The following FAM228B variants were observed in gnomAD, a reference collection of about 807,000 sequenced individuals.
FAM228B encodes the protein family with sequence similarity 228 member B, also known as protein FAM228B.
In FAM228B, 38 loss-of-function variants were observed where a neutral mutation model predicts 42.6. That is an observed-to-expected ratio of 0.89 (90% confidence interval 0.69 to 1.17). FAM228B has a LOEUF of 1.17. Among genes scored for constraint, FAM228B ranks in the 50% most tolerant of loss-of-function variants. FAM228B has a pLI of 0.00. For synonymous variants in FAM228B, 109 were observed against 122.3 expected (o/e 0.89, Z 0.72); for missense variants, 344 against 367.3 (o/e 0.94, Z 0.52).
At chr2:24,118,589 G>A (rs1255750010), upstream of FAM228B, among the ~76,000 whole-genome samples, 1 of 152,142 alleles carries the variant, frequency 6.6e-6, no homozygotes, top group African/African-American at 2.4e-5. Flanking sequence ...TAATCATAAA[G>A]GTATGCATAA....
intron 3 of FAM228B, 37 bp downstream of exon 3, chr2:24,135,224 TTAAATG>T: frequency 8.5e-7 from 1 of 1,173,372 alleles, no homozygotes; most frequent in African/African-American, 1.6e-5. Flanking sequence ...CAGTTAAAAA[TTAAATG>T]TAGTTTTTCC....
At chr2:24,150,657 T>C (rs1667003351) in intron 7 of FAM228B, among the ~76,000 whole-genome samples, 1 of 152,124 alleles carries the variant, frequency 6.6e-6, no homozygotes. Flanking sequence ...ACTCCTGACC[T>C]CAAGTGATCC....
Position 24,144,623 on chromosome 2 carries a change from G to A in FAM228B, c.442-2125G>A, listed in dbSNP as rs1339256850. Among the ~76,000 whole-genome samples, 6 of 152,284 alleles carry A rather than the reference G, an allele frequency of 3.9e-5. 1 individual carries two copies. In the South Asian group the frequency reaches 6.2e-4, roughly 16 times the overall value. Reference sequence around the variant, plus strand: ...GCCTGCTCGGCCCTGAGACTAACACGGGGGCTGCCCGGAGATGGAGAGGGC... The same window carrying A: ...GCCTGCTCGGCCCTGAGACTAACACAGGGGCTGCCCGGAGATGGAGAGGGC... On this transcript the variant is annotated intron_variant, in intron 5 of 10. Transcript: ENST00000615575.
upstream of FAM228B, chr2:24,122,962 C>A (rs1159522844): frequency 6.5e-6 from 1 of 154,204 alleles, no homozygotes; most frequent in Non-Finnish European, 1.4e-5. Context: ...AGAGATTATG[C>A]GTGGCCATAA....
intron 3 of FAM228B, among the ~76,000 whole-genome samples, chr2:24,113,955 G>GCTGA (rs70944718): frequency 0.12 from 17,728 of 152,034 alleles, 1,240 homozygotes; most frequent in South Asian, 0.18. Context: ...TAGTGGCAAG[G>GCTGA]CTACCAATCA....
intron 9 of FAM228B, chr2:24,166,558 G>A (rs1286552263): frequency 3.3e-5 from 5 of 152,166 alleles, no homozygotes; most frequent in Non-Finnish European, 5.9e-5. Context: ...GGCAGTGTTT[G>A]AGGGGCTGGA....
chr2:24,093,480 C>T (rs1665432103), intron 2 of FAM228B, among the ~76,000 whole-genome samples: 1 of 152,178 alleles, frequency 6.6e-6, no homozygotes, highest in Non-Finnish European at 1.5e-5. Context: ...AGGACATGAA[C>T]TCACTCTTTT....
intron 3 of FAM228B, among the ~76,000 whole-genome samples, chr2:24,137,265 T>C (rs1291934511): frequency 6.6e-6 from 1 of 152,188 alleles, no homozygotes; most frequent in East Asian, 1.9e-4. Context: ...TGTACAAGTA[T>C]CTATTTGAGC....
At chr2:24,156,614 A>G (rs537064967) in intron 7 of FAM228B, among the ~76,000 whole-genome samples, 7 of 152,334 alleles carry the variant, frequency 4.6e-5, no homozygotes, top group African/African-American at 1.7e-4. Context: ...AGCCTGGGCA[A>G]CAAGAGCAAA....
chr2:24,122,485 A>G (rs1666151935), upstream of FAM228B: 1 of 1,614,202 alleles, frequency 6.2e-7, no homozygotes, highest in Non-Finnish European at 8.5e-7. Flanking sequence ...CACTGTCCAC[A>G]TGCTTGGTTC....
intron 2 of FAM228B, among the ~76,000 whole-genome samples, chr2:24,092,948 A>G (rs1296654171): frequency 2.6e-5 from 4 of 151,430 alleles, no homozygotes; most frequent in Non-Finnish European, 5.9e-5. Context: ...ACACACACAC[A>G]CACACACACA....
intron 9 of FAM228B, among the ~76,000 whole-genome samples, chr2:24,164,806 G>A (rs1667365197): frequency 6.6e-6 from 1 of 152,194 alleles, no homozygotes; most frequent in African/African-American, 2.4e-5. Flanking sequence ...TTTAGGAAGT[G>A]AAAGCCCCCA....
At chr2:24,121,207 A>G, upstream of FAM228B, 1 of 1,614,196 alleles carries the variant, frequency 6.2e-7, no homozygotes, top group African/African-American at 1.3e-5. Flanking sequence ...ACACATCTGT[A>G]ATCTTTTCCC....
At position 24,167,423 on chromosome 2, in the gene FAM228B, G is replaced by GT. The variant is rs552554450; in HGVS notation, c.933-204_933-203insT. Among the ~76,000 whole-genome samples, 783 of 152,256 alleles carry GT rather than the reference G, an allele frequency of 5.1e-3. 4 individuals carry two copies. The highest frequency in any genetic ancestry group is 0.01 in the Middle Eastern group (3 of 294). On this transcript the variant is annotated intron_variant, in intron 9 of 10. Transcript: ENST00000615575. ...CCATTGCAATCATTATAATACCGGA[G>GT]GAGGATTTGTAGGGTGTGATTTTAG...
intron 3 of FAM228B, among the ~76,000 whole-genome samples, chr2:24,104,253 T>G (rs1035478947): frequency 1.3e-5 from 2 of 152,094 alleles, no homozygotes; most frequent in African/African-American, 4.8e-5. Flanking sequence ...AATAGGAGAA[T>G]CCCACTGGGC....
chr2:24,089,868 G>T (rs371252388), intron 2 of FAM228B, among the ~76,000 whole-genome samples: 1 of 151,858 alleles, frequency 6.6e-6, no homozygotes, highest in Non-Finnish European at 1.5e-5. Flanking sequence ...TCAGCTACTC[G>T]GGAGGCTGAG....
chr2:24,103,679 C>G (rs1237213591), intron 3 of FAM228B, among the ~76,000 whole-genome samples: 1 of 152,196 alleles, frequency 6.6e-6, no homozygotes, highest in Non-Finnish European at 1.5e-5. Flanking sequence ...TTAGGAAAGG[C>G]TGGCCGGCCA....
At chr2:24,132,710 A>G in intron 2 of FAM228B, among the ~76,000 whole-genome samples, 1 of 151,698 alleles carries the variant, frequency 6.6e-6, no homozygotes, top group Non-Finnish European at 1.5e-5. Flanking sequence ...TATATCTAGT[A>G]ATTCTAGATT....
intron 5 of FAM228B, 63 bp downstream of exon 5, chr2:24,139,513 A>G (rs1666698031): frequency 3.3e-6 from 3 of 918,726 alleles, no homozygotes; most frequent in Non-Finnish European, 5.2e-6. Context: ...AGCAGCCCTA[A>G]TATATGAGCA....
Sources: allele counts gnomAD v4.1 joint callset (sites outside exome capture counted in the v4.1 genomes callset), GRCh38; gene constraint gnomAD v4.1.1; transcripts MANE v1.5; gene names NCBI Gene and HGNC (gene_info 2026-07-23, HGNC 2026-07-21).